Variants in THSD4 observed in about 807,000 individuals in gnomAD.
THSD4 encodes thrombospondin type-1 domain-containing protein 4.
Under a neutral mutation model 119.0 loss-of-function variants are expected in THSD4, and 69 were observed. The observed-to-expected ratio is 0.58, with a 90% CI of 0.48 to 0.71. THSD4 has a LOEUF of 0.71. THSD4 is among the 30% of genes least tolerant of loss of function. The pLI is 0.00. For missense variants in THSD4, 1,393 were observed against 1,391.1 expected (o/e 1.00, Z -0.02); for synonymous variants, 524 against 540.4 (o/e 0.97, Z 0.42).
intron 7 of THSD4, among the ~76,000 whole-genome samples, chr15:71,495,120 TCA>T (rs1192722459): frequency 2.0e-5 from 3 of 152,222 alleles, no homozygotes; most frequent in Admixed American, 2.0e-4. Context: ...GTGACCTAAG[TCA>T]CAGTTTCCTC....
chr15:71,660,076 C>T (rs186409436), intron 7 of THSD4, among the ~76,000 whole-genome samples: 234 of 152,272 alleles, frequency 1.5e-3, no homozygotes, highest in African/African-American at 5.1e-3. Context: ...AGAAACTGGT[C>T]CAGGGAACAC....
chr15:71,453,170 G>A lies in THSD4; in HGVS notation c.1152+41347G>A, dbSNP rs148873695. 2.4e-4 allele frequency among the ~76,000 whole-genome samples: 37 copies of A among 152,246 alleles called. No homozygotes were observed. In the East Asian group the frequency reaches 7.0e-3, roughly 29 times the overall value. Reference sequence around the variant, plus strand: ...TGAGAAAATCAGCTTCTGTGATTTAGCCACCCAATCTATGGTATTCTTTTA... The same window carrying A: ...TGAGAAAATCAGCTTCTGTGATTTAACCACCCAATCTATGGTATTCTTTTA... On this transcript the variant is annotated intron_variant, in intron 7 of 17. Transcript: ENST00000261862.
intron 7 of THSD4, among the ~76,000 whole-genome samples, chr15:71,469,265 G>A (rs1166780948): frequency 6.6e-6 from 1 of 152,078 alleles, no homozygotes; most frequent in Non-Finnish European, 1.5e-5. Flanking sequence ...CACTGCCCAG[G>A]CCCTATGTGG....
intron 8 of THSD4, among the ~76,000 whole-genome samples, chr15:71,677,303 A>G (rs1027111196): frequency 6.6e-6 from 1 of 152,242 alleles, no homozygotes; most frequent in Non-Finnish European, 1.5e-5. Flanking sequence ...CTGGTAGATG[A>G]GGAAAGTGAT....
At chr15:71,509,444 C>G (rs1026118723) in intron 7 of THSD4, among the ~76,000 whole-genome samples, 1 of 152,168 alleles carries the variant, frequency 6.6e-6, no homozygotes, top group Non-Finnish European at 1.5e-5. Flanking sequence ...TCCATGAAAC[C>G]ATGATAGATT....
rs147408736 is a variant in THSD4 at position 71,727,278 on chromosome 15, A to T, written c.1358-1271A>T. ...TATCTAACACAGCCCACAGCCTCAG[A>T]TGCCCAGGAACTCAGGAAGGTCATA... On this transcript the variant is annotated intron_variant, in intron 8 of 17. Coordinates refer to ENST00000261862, the MANE Select transcript of THSD4 (RefSeq NM_024817.3). Among the ~76,000 whole-genome samples the T allele has an allele frequency of 3.3e-5, 5 of 152,224 alleles. No homozygotes were observed. The East Asian group carries it at 9.6e-4, about 29-fold the overall frequency.
intron 7 of THSD4, among the ~76,000 whole-genome samples, chr15:71,566,683 G>A (rs1032718207): frequency 6.6e-6 from 1 of 152,042 alleles, no homozygotes; most frequent in Non-Finnish European, 1.5e-5. Flanking sequence ...GGCCTTCAAA[G>A]GCCGGGTCAT....
chr15:71,611,999 G>T (rs1188716457), intron 7 of THSD4, among the ~76,000 whole-genome samples: 1 of 152,208 alleles, frequency 6.6e-6, no homozygotes, highest in African/African-American at 2.4e-5. Flanking sequence ...GCCAAGAACT[G>T]CATTTAAATC....
chr15:71,646,392 C>T (rs192764047), intron 7 of THSD4, among the ~76,000 whole-genome samples: 12 of 152,226 alleles, frequency 7.9e-5, no homozygotes. Context: ...AGAGTTTGTT[C>T]TCTGCTGGAG....
chr15:71,191,386 G>A (rs1013133108), intron 3 of THSD4, among the ~76,000 whole-genome samples: 2 of 152,158 alleles, frequency 1.3e-5, no homozygotes, highest in Non-Finnish European at 2.9e-5. Flanking sequence ...GCTGTTGGTC[G>A]CATTAAACTC....
At chr15:71,433,661 C>T (rs1405917230) in intron 7 of THSD4, among the ~76,000 whole-genome samples, 1 of 152,100 alleles carries the variant, frequency 6.6e-6, no homozygotes, top group Admixed American at 6.5e-5. Flanking sequence ...TCTGGATTCA[C>T]ATACTAGGTA....
Position 71,103,514 on chromosome 15 carries a change from G to A in THSD4, c.-80+6508G>A, listed in dbSNP as rs574706660. ...CCCTTTTCAGCCCTCCAGTGAGCAA[G>A]CTTGGGCTTCAGTTTCTCTGCTCTG... On this transcript the variant is annotated intron_variant, in intron 1 of 17. Coordinates refer to the THSD4 transcript ENST00000355327. Among the ~76,000 whole-genome samples the A allele has an allele frequency of 7.9e-5, 12 of 152,266 alleles. No individual in the cohort carries two copies. In the South Asian group the frequency reaches 2.5e-3, roughly 32 times the overall value.
At chr15:71,581,144 TCCTTAATGA>T (rs762208768) in intron 7 of THSD4, among the ~76,000 whole-genome samples, 18 of 152,186 alleles carry the variant, frequency 1.2e-4, no homozygotes, top group Non-Finnish European at 2.6e-4. Context: ...TATACTGTTT[TCCTTAATGA>T]CCATACCAGT....
At chr15:71,562,698 C>CTTTTTTTTTTT (rs34555744) in intron 7 of THSD4, among the ~76,000 whole-genome samples, 1 of 125,282 alleles carries the variant, frequency 8.0e-6, no homozygotes, top group African/African-American at 2.9e-5. Flanking sequence ...ACCTTTGGTC[C>CTTTTTTTTTTT]TTTTTTTTTT....
rs1243287469 is a variant in THSD4 at position 71,728,585 on chromosome 15, G to C, written c.1394G>C (p.Gly465Ala). ...RSRSGRSIINGNWAIDRPGKY... is the reference protein window; with the variant it reads ...RSRSGRSIINANWAIDRPGKY... ...CGTTCTGGACGCTCCATCATCAATG[G>C]GAACTGGGCAATTGATCGACCAGGA... The change falls in exon 9 of 18, where the codon GGG becomes GCG. Residue 465 changes from glycine to alanine, a missense_variant. Physicochemically the swap from Gly to Ala is moderately conservative, Grantham distance 60 (BLOSUM62 0). Coordinates refer to ENST00000261862, the MANE Select transcript of THSD4 (RefSeq NM_024817.3). The C allele has an allele frequency of 6.2e-7, 1 of 1,614,198 alleles. No individual in the cohort carries two copies. Among genetic ancestry groups the C allele is most frequent in the East Asian group, 2.2e-5 (1 of 44,890 alleles).
At chr15:71,553,546 C>T (rs1284464679) in intron 7 of THSD4, among the ~76,000 whole-genome samples, 4 of 152,038 alleles carry the variant, frequency 2.6e-5, no homozygotes, top group Non-Finnish European at 5.9e-5. Flanking sequence ...AGGCTGGTCT[C>T]GAGCTCCTGA....
intron 7 of THSD4, among the ~76,000 whole-genome samples, chr15:71,648,577 C>G (rs964390889): frequency 1.3e-5 from 2 of 152,184 alleles, no homozygotes; most frequent in African/African-American, 4.8e-5. Context: ...AAAGAAATCT[C>G]TGGAAGCCTT....
intron 7 of THSD4, among the ~76,000 whole-genome samples, chr15:71,461,056 G>A (rs2047422922): frequency 6.6e-6 from 1 of 152,138 alleles, no homozygotes; most frequent in Non-Finnish European, 1.5e-5. Context: ...CAAAGTTTCT[G>A]TGACTCTAGA....
intron 3 of THSD4, among the ~76,000 whole-genome samples, chr15:71,161,961 A>G (rs532003358): frequency 9.4e-4 from 143 of 152,072 alleles, no homozygotes; most frequent in African/African-American, 3.4e-3. Context: ...CTTAGTTATA[A>G]TAGACTATTT....
Sources: allele counts gnomAD v4.1 joint callset (sites outside exome capture counted in the v4.1 genomes callset), GRCh38; gene constraint gnomAD v4.1.1; transcripts MANE v1.5; gene names NCBI Gene and HGNC (gene_info 2026-07-23, HGNC 2026-07-21).